The following MET variants were observed in gnomAD, a reference collection of about 807,000 sequenced individuals.
MET encodes MET proto-oncogene, receptor tyrosine kinase.
In MET, 48 loss-of-function variants were observed where a neutral mutation model predicts 133.1. That is an observed-to-expected ratio of 0.36 (90% CI 0.29 to 0.46). The LOEUF (loss-of-function observed/expected upper bound fraction) is 0.46. Ranked by LOEUF, MET falls within the 20% of genes least tolerant of loss-of-function variation. The pLI is 1.00. For synonymous variants in MET, 628 were observed against 616.5 expected (o/e 1.02, Z -0.28); for missense variants, 1,442 against 1,695.9 (o/e 0.85, Z 2.63).
intron 19 of MET, 64 bp downstream of exon 19, chr7:116,783,533 T>A (rs2117068346): frequency 6.4e-7 from 1 of 1,565,382 alleles, no homozygotes; most frequent in Non-Finnish European, 8.7e-7. Flanking sequence ...TTTTTGAAGT[T>A]TTATCACTAC....
chr7:116,674,425 T>TA (rs142208803), intron 1 of MET, among the ~76,000 whole-genome samples: 41 of 151,902 alleles, frequency 2.7e-4, no homozygotes, highest in Middle Eastern at 3.4e-3. Context: ...TTGAAATCTT[T>TA]AAAAAAAAAT....
intron 6 of MET, among the ~76,000 whole-genome samples, chr7:116,756,268 A>T (rs1439665841): frequency 1.3e-5 from 2 of 152,172 alleles, no homozygotes; most frequent in Non-Finnish European, 1.5e-5. Context: ...TAATCATCAG[A>T]GAATCCAGAA....
intron 19 of MET, among the ~76,000 whole-genome samples, chr7:116,791,488 T>C (rs1259647785): frequency 6.6e-6 from 1 of 152,228 alleles, no homozygotes; most frequent in Non-Finnish European, 1.5e-5. Context: ...TTTGCCATCC[T>C]TATATCACCT....
chr7:116,763,242 G>C lies in MET; in HGVS notation c.2557G>C (p.Gly853Arg), dbSNP rs45575240. Residue 853 changes from glycine (G) to arginine (R), a missense_variant, in exon 11 of 21, where the codon GGC becomes CGC. Physicochemically the swap from Gly to Arg is moderately radical, Grantham distance 125. Around this residue, in one of 6 missense-constraint regions of MET, gnomAD observed 514 missense variants for 659.6 expected, o/e 0.78. Coordinates refer to ENST00000397752, the MANE Select transcript of MET (RefSeq NM_000245.4). The part of the protein sequence containing the change: ...PFEKPVMISM[G>R]NENVLEIKGN... The stretch of plus-strand genomic sequence containing the variant: ...TGAAAAGCCAGTGATGATCTCAATG[G>C]GCAATGAAAATGTACTGGAAATTAA... The C allele has an allele frequency of 6.2e-7, 1 of 1,613,704 alleles. No individual in the cohort carries two copies. The highest frequency in any genetic ancestry group is 1.1e-5 in the South Asian group (1 of 91,062).
intron 19 of MET, among the ~76,000 whole-genome samples, chr7:116,788,519 A>C (rs2402118): frequency 0.74 from 112,050 of 152,082 alleles, 42,639 homozygotes; most frequent in African/African-American, 0.92. Flanking sequence ...CAAGGCTTCC[A>C]CCATAGCCAC....
rs188174496 is a variant in MET at position 116,723,737 on chromosome 7, C to T, written c.1201-7931C>T. Among the ~76,000 whole-genome samples the T allele has an allele frequency of 2.6e-4, 40 of 152,238 alleles. No homozygotes were observed. The East Asian group carries it at 5.0e-3, about 19-fold the overall frequency. On this transcript the variant is annotated intron_variant, in intron 2 of 20. Coordinates refer to ENST00000397752, the MANE Select transcript of MET (RefSeq NM_000245.4). ...TCAGCTGCAAGTCTGTTGGAGTACC[C>T]TGCCGTGTGAGGTGTCAGTGTGCCC...
chr7:116,699,236 C>G lies in MET; in HGVS notation c.152C>G (p.Pro51Arg), dbSNP rs2116581649. The G allele has an allele frequency of 6.2e-7, 1 of 1,613,898 alleles. No homozygotes were observed. Among genetic ancestry groups the G allele is most frequent in the Non-Finnish European group, 8.5e-7 (1 of 1,179,912 alleles). ...YQLPNFTAET[P>R]IQNVILHEHH... ...CTTCCCAACTTCACCGCGGAAACAC[C>G]CATCCAGAATGTCATTCTACATGAG... Residue 51 changes from proline to arginine, a missense_variant, in exon 2 of 21, where the codon CCC becomes CGC. Pro to Arg is a moderately radical substitution (Grantham distance 103). Around this residue, in one of 6 missense-constraint regions of MET, gnomAD observed 762 missense variants for 792.4 expected, o/e 0.96. Transcript: ENST00000397752.
At chr7:116,791,333 C>A (rs897744319) in intron 19 of MET, among the ~76,000 whole-genome samples, 83 of 152,208 alleles carry the variant, frequency 5.5e-4, no homozygotes, top group African/African-American at 1.9e-3. Flanking sequence ...CATAAGAGTT[C>A]CAGTTGTTCA....
intron 5 of MET, among the ~76,000 whole-genome samples, chr7:116,749,822 A>G (rs1308660021): frequency 6.6e-6 from 1 of 152,164 alleles, no homozygotes; most frequent in African/African-American, 2.4e-5. Context: ...ATAATAGACA[A>G]ACAGAGAGCC....
At chr7:116,772,282 T>C (rs1794861140) in intron 14 of MET, among the ~76,000 whole-genome samples, 1 of 152,202 alleles carries the variant, frequency 6.6e-6, no homozygotes, top group Non-Finnish European at 1.5e-5. Flanking sequence ...ATTGCGAAGC[T>C]CTCTTTTACA....
chr7:116,747,523 CAAAG>C (rs1381178160), intron 5 of MET, among the ~76,000 whole-genome samples: 1 of 152,158 alleles, frequency 6.6e-6, no homozygotes, highest in Non-Finnish European at 1.5e-5. Context: ...TCAAAAAAGA[CAAAG>C]AAGGGCATTA....
intron 3 of MET, among the ~76,000 whole-genome samples, chr7:116,733,714 C>G (rs1435570388): frequency 6.6e-6 from 1 of 152,062 alleles, no homozygotes; most frequent in African/African-American, 2.4e-5. Flanking sequence ...GTACTGGTAT[C>G]ACTGATTTTT....
At chr7:116,673,388 G>A (rs963936254) in intron 1 of MET, among the ~76,000 whole-genome samples, 4 of 152,108 alleles carry the variant, frequency 2.6e-5, no homozygotes, top group African/African-American at 7.2e-5. Flanking sequence ...AGGAGCCCTC[G>A]GGCAGAATGA....
At chr7:116,761,138 T>C (rs903331035) in intron 10 of MET, among the ~76,000 whole-genome samples, 7 of 152,206 alleles carry the variant, frequency 4.6e-5, no homozygotes, top group African/African-American at 1.7e-4. Flanking sequence ...CAGTCATTCA[T>C]TTGTAATCAA....
At chr7:116,747,757 G>A (rs757413061) in intron 5 of MET, among the ~76,000 whole-genome samples, 8 of 146,820 alleles carry the variant, frequency 5.4e-5, no homozygotes, top group African/African-American at 1.1e-4. Context: ...ACTTGAACTC[G>A]GCTCTGGACC....
intron 2 of MET, chr7:116,724,860 C>T (rs1253443305): frequency 7.8e-7 from 1 of 1,284,468 alleles, no homozygotes; most frequent in Non-Finnish European, 1.0e-6. Flanking sequence ...AATGTGAACA[C>T]TCAGTGCCTC....
At chr7:116,741,951 C>T (rs1262925397) in intron 5 of MET, among the ~76,000 whole-genome samples, 2 of 152,156 alleles carry the variant, frequency 1.3e-5, no homozygotes, top group Admixed American at 6.5e-5. Context: ...AGCATATATT[C>T]GGCACTATGA....
intron 10 of MET, among the ~76,000 whole-genome samples, chr7:116,760,439 G>C (rs1178278280): frequency 6.6e-6 from 1 of 152,078 alleles, no homozygotes; most frequent in Admixed American, 6.6e-5. Context: ...ACCTTAGAAA[G>C]CTTGGAGTTA....
chr7:116,723,568 G>A (rs1792590271), intron 2 of MET, among the ~76,000 whole-genome samples: 1 of 152,186 alleles, frequency 6.6e-6, no homozygotes, highest in Non-Finnish European at 1.5e-5. Context: ...CTGCGTTTTA[G>A]AGTTTCCAGT....
Sources: gnomAD v4.1 joint callset for allele counts (sites outside exome capture counted in the v4.1 genomes callset) on GRCh38, gnomAD v4.1.1 for gene constraint, gnomAD v4.1.1 regional missense constraint, MANE v1.5 for transcripts, NCBI Gene and HGNC (gene_info 2026-07-23, HGNC 2026-07-21) for gene names.